KLHL18: variants seen among roughly 807,000 people sequenced by gnomAD.
The protein encoded by KLHL18 is kelch-like protein 18.
Under a neutral mutation model 58.5 loss-of-function variants are expected in KLHL18, and 38 were observed. The ratio of observed to expected loss-of-function variants is 0.65; its 90% CI spans 0.50 to 0.85. The LOEUF (loss-of-function observed/expected upper bound fraction) is 0.85. Ranked by LOEUF, KLHL18 falls within the 40% of genes least tolerant of loss-of-function variation. KLHL18 has a pLI of 0.00. For missense variants in KLHL18, 624 were observed against 778.4 expected, an observed-to-expected ratio of 0.80 and a Z score of 2.36; for synonymous variants, 303 against 301.9, an observed-to-expected ratio of 1.00 and a Z score of -0.04.
intron 7 of KLHL18, 102 bp from the exon 8 acceptor site, chr3:47,340,470 G>A (rs928190991): frequency 1.6e-5 from 25 of 1,551,746 alleles, no homozygotes; most frequent in Middle Eastern, 1.8e-4. Context: ...TTAGATTTAC[G>A]TTGCAGAAAG....
At chr3:47,296,882 G>A (rs1228972784) in intron 1 of KLHL18, among the ~76,000 whole-genome samples, 1 of 152,210 alleles carries the variant, frequency 6.6e-6, no homozygotes, top group East Asian at 1.9e-4. Flanking sequence ...AGTCTAGACT[G>A]CTAAGAAACA....
intron 1 of KLHL18, among the ~76,000 whole-genome samples, chr3:47,314,453 G>A (rs1457632260): frequency 1.3e-5 from 2 of 151,772 alleles, no homozygotes; most frequent in Admixed American, 6.6e-5. Flanking sequence ...CCCGCTAAGT[G>A]TTCTTAGCTC....
chr3:47,340,032 G>GA (rs1704074537), intron 7 of KLHL18, among the ~76,000 whole-genome samples: 3 of 152,228 alleles, frequency 2.0e-5, no homozygotes, highest in Admixed American at 2.0e-4. Context: ...CTGAGTGACA[G>GA]AGCAAGGCTC....
Position 47,336,667 on chromosome 3 carries a change from A to T in KLHL18, c.1031A>T (p.Tyr344Phe), listed in dbSNP as rs896178135. ...VNGLLYAIGGYDGQLRLSTVE... is the reference protein window; with the variant it reads ...VNGLLYAIGGFDGQLRLSTVE... ...GGGCTTCTCTATGCCATCGGAGGAT[A>T]TGACGGCCAGCTACGGCTGAGCACT... The change falls in exon 7 of 10, where the codon TAT (tyrosine) becomes TTT (phenylalanine). Residue 344 changes from tyrosine (Y) to phenylalanine (F), a missense_variant. Physicochemically the swap from Tyr to Phe is conservative, Grantham distance 22. Coordinates refer to ENST00000232766, the MANE Select transcript of KLHL18 (RefSeq NM_025010.5). The T allele has an allele frequency of 6.2e-7, 1 of 1,614,128 alleles. No individual in the cohort carries two copies. Among genetic ancestry groups the T allele is most frequent in the African/African-American group, 1.3e-5 (1 of 74,944 alleles).
chr3:47,309,608 C>A (rs1703243620), intron 1 of KLHL18, among the ~76,000 whole-genome samples: 1 of 152,212 alleles, frequency 6.6e-6, no homozygotes, highest in South Asian at 2.1e-4. Flanking sequence ...GGCGGCCGGG[C>A]AGAGGCTGCA....
chr3:47,316,504 T>C (rs1442379414), intron 1 of KLHL18, among the ~76,000 whole-genome samples: 1 of 5,148 alleles, frequency 1.9e-4, no homozygotes, highest in African/African-American at 2.3e-4. Context: ...TATATATGTA[T>C]ATATATACAT....
At chr3:47,301,572 A>G (rs2107596647) in intron 1 of KLHL18, among the ~76,000 whole-genome samples, 1 of 152,000 alleles carries the variant, frequency 6.6e-6, no homozygotes, top group South Asian at 2.1e-4. Flanking sequence ...ATTCTGTTCT[A>G]TTGTTCTTTG....
At chr3:47,321,693 G>A (rs1576167408) in intron 2 of KLHL18, among the ~76,000 whole-genome samples, 1 of 152,194 alleles carries the variant, frequency 6.6e-6, no homozygotes, top group Non-Finnish European at 1.5e-5. Context: ...CCAAATACAT[G>A]CATGGTATGG....
chr3:47,325,603 G>T (rs57799875), intron 3 of KLHL18, among the ~76,000 whole-genome samples: 1 of 152,184 alleles, frequency 6.6e-6, no homozygotes, highest in African/African-American at 2.4e-5. Flanking sequence ...AATGCCATCA[G>T]AGTTCTTAAA....
chr3:47,325,183 C>T (rs28514968), intron 3 of KLHL18, among the ~76,000 whole-genome samples: 5 of 147,092 alleles, frequency 3.4e-5, no homozygotes, highest in Non-Finnish European at 6.0e-5. Flanking sequence ...TCTTTTTTTT[C>T]TTTTTTTTTT....
At chr3:47,324,294 C>CTTTTT (rs1559498832) in intron 3 of KLHL18, among the ~76,000 whole-genome samples, 3 of 10,606 alleles carry the variant, frequency 2.8e-4, no homozygotes, top group African/African-American at 4.2e-4. Flanking sequence ...CTTTTTCTTT[C>CTTTTT]TTTCTTTTTT....
At chr3:47,285,176 TGA>T (rs923409817) in intron 1 of KLHL18, among the ~76,000 whole-genome samples, 33 of 152,208 alleles carry the variant, frequency 2.2e-4, no homozygotes, top group Admixed American at 2.0e-3. Flanking sequence ...TGAAGTGATC[TGA>T]GAAGGCGTGA....
At chr3:47,328,148 C>G (rs933236761) in intron 3 of KLHL18, among the ~76,000 whole-genome samples, 2 of 151,686 alleles carry the variant, frequency 1.3e-5, no homozygotes, top group Admixed American at 6.6e-5. Context: ...GAGGATTGCT[C>G]GAGCCTAGGA....
At chr3:47,305,334 G>GTTTTTTTTTTT (rs397744565) in intron 1 of KLHL18, among the ~76,000 whole-genome samples, 5 of 70,370 alleles carry the variant, frequency 7.1e-5, no homozygotes, top group Non-Finnish European at 1.1e-4. Flanking sequence ...ATTTTGTCAA[G>GTTTTTTTTTTT]TTTTTTTTTT....
At chr3:47,309,745 C>A (rs895464262) in intron 1 of KLHL18, among the ~76,000 whole-genome samples, 1 of 152,230 alleles carries the variant, frequency 6.6e-6, no homozygotes, top group Non-Finnish European at 1.5e-5. Context: ...CATCTGCAAT[C>A]CCGGCACCTC....
chr3:47,334,671 A>G lies in KLHL18; in HGVS notation c.762-12A>G. 6.2e-7 allele frequency: 1 copy of G among 1,613,890 alleles called. No individual in the cohort carries two copies. Among genetic ancestry groups the G allele is most frequent in the Non-Finnish European group, 8.5e-7 (1 of 1,179,900 alleles). ...GATACCTCCTGTTCTAGCATCTTCC[A>G]CCTTATTCTAGGGACCTGGTAGACG... On this transcript the variant is annotated splice_polypyrimidine_tract_variant and intron_variant, in intron 5 of 9. Coordinates refer to ENST00000232766, the MANE Select transcript of KLHL18 (RefSeq NM_025010.5). This position sits in a 1 kb window ranked among gnomAD's most constrained non-coding sequence, Gnocchi z 4.7.
chr3:47,344,215 G>T lies in KLHL18; in HGVS notation c.*274G>T, dbSNP rs1333862552. ...TGTTTTCTGGTCCACATGAACACAG[G>T]CTCCATCCAGGCCCAGCTCCTACCC... On this transcript the variant is annotated 3_prime_UTR_variant, in exon 10 of 10. Coordinates refer to ENST00000232766, the MANE Select transcript of KLHL18 (RefSeq NM_025010.5). The T allele has an allele frequency of 8.3e-6, 4 of 484,648 alleles. No individual in the cohort carries two copies. Among genetic ancestry groups the T allele is most frequent in the Admixed American group, 4.0e-5 (1 of 25,304 alleles). The allele number at this position is 484,648 out of a possible 1,614,324, so 30.0% of individuals were successfully genotyped here. A position where few individuals can be genotyped will look rare whatever the true frequency, so the allele number is the denominator to read the frequency against.
intron 7 of KLHL18, 39 bp downstream of exon 7, chr3:47,336,796 G>A (rs746375279): frequency 6.6e-7 from 1 of 1,505,706 alleles, no homozygotes; most frequent in Admixed American, 1.7e-5. Flanking sequence ...CATACACACT[G>A]AGCACCTGGG....
At chr3:47,284,851 C>T (rs536717409) in intron 1 of KLHL18, among the ~76,000 whole-genome samples, 16 of 151,476 alleles carry the variant, frequency 1.1e-4, no homozygotes, top group African/African-American at 3.1e-4. Flanking sequence ...CAGAGTCTCG[C>T]TGTGTGGCAC....
Sources: allele counts gnomAD v4.1 joint callset (sites outside exome capture counted in the v4.1 genomes callset), GRCh38; gene constraint gnomAD v4.1.1; non-coding constraint Gnocchi (gnomAD v3.1); transcripts MANE v1.5; gene names NCBI Gene and HGNC (gene_info 2026-07-23, HGNC 2026-07-21).